Variants in ZNRF3 observed in about 807,000 individuals in gnomAD.
The protein encoded by ZNRF3 is E3 ubiquitin-protein ligase ZNRF3.
A neutral mutation model predicts 72.5 loss-of-function variants in ZNRF3; 23 were observed. The ratio of observed to expected loss-of-function variants is 0.32; its 90% confidence interval spans 0.23 to 0.45. The LOEUF is 0.45. ZNRF3 is among the 20% of genes least tolerant of loss of function. The pLI, the probability that ZNRF3 is intolerant of heterozygous loss-of-function variation, is 1.00. For synonymous variants in ZNRF3, 610 were observed against 545.3 expected, an observed-to-expected ratio of 1.12 and a Z score of -1.65; for missense variants, 1,169 against 1,272.1, an observed-to-expected ratio of 0.92 and a Z score of 1.23.
At chr22:29,026,204 A>G (rs2036634347) in intron 2 of ZNRF3, 1 of 152,186 alleles carries the variant, frequency 6.6e-6, no homozygotes, top group Admixed American at 6.5e-5. Context: ...ACCCGAAAAT[A>G]TAGCACATTT....
intron 2 of ZNRF3, among the ~76,000 whole-genome samples, chr22:29,021,775 A>C (rs2036545546): frequency 6.6e-6 from 1 of 152,178 alleles, no homozygotes; most frequent in African/African-American, 2.4e-5. Flanking sequence ...GGCGTAAGCC[A>C]CCGTGCCCGG....
Position 28,883,995 on chromosome 22 carries a change from T to A in ZNRF3, c.229T>A (p.Tyr77Asn). 3.1e-6 allele frequency: 4 copies of A among 1,311,350 alleles called. No individual in the cohort carries two copies. Among genetic ancestry groups the A allele is most frequent in the South Asian group, 1.3e-5 (1 of 74,850 alleles). The allele number at this position is 1,311,350 out of a possible 1,614,324, so 81.2% of individuals were successfully genotyped here. The change falls in exon 1 of 9, where the codon TAC (tyrosine) becomes AAC (asparagine). Residue 77 changes from tyrosine to asparagine, a missense_variant. Physicochemically the swap from Tyr to Asn is moderately radical, Grantham distance 143. Around this residue, in one of 2 missense-constraint regions of ZNRF3, gnomAD observed 386 missense variants for 540.7 expected, o/e 0.71. Transcript: ENST00000544604. This position sits in a 1 kb window ranked among gnomAD's most constrained non-coding sequence, Gnocchi z 5.5. Reference sequence around the variant, plus strand: ...GAGCCCAAGCGGCGATTACACCACCTACACCACCGGCCTCACGGGCCGCTT... The same window carrying A: ...GAGCCCAAGCGGCGATTACACCACCAACACCACCGGCCTCACGGGCCGCTT... ...ESSPSGDYTT[Y>N]TTGLTGRFSR...
intron 2 of ZNRF3, among the ~76,000 whole-genome samples, chr22:29,024,306 T>C (rs2036587955): frequency 8.0e-6 from 1 of 125,240 alleles, no homozygotes; most frequent in African/African-American, 2.8e-5. Flanking sequence ...TTGCTTTCAA[T>C]TTTCTGCACT....
chr22:28,966,240 G>A (rs963908723), intron 1 of ZNRF3, among the ~76,000 whole-genome samples: 1 of 152,204 alleles, frequency 6.6e-6, no homozygotes, highest in African/African-American at 2.4e-5. Flanking sequence ...GCAACAGAGT[G>A]AACAGAGTGA....
At chr22:28,984,228 G>A (rs1228802409) in intron 1 of ZNRF3, among the ~76,000 whole-genome samples, 2 of 151,642 alleles carry the variant, frequency 1.3e-5, no homozygotes, top group Non-Finnish European at 2.9e-5. Flanking sequence ...TCACAGTGTT[G>A]TGCAATCTTC....
At chr22:28,926,708 A>G (rs1169901547) in intron 1 of ZNRF3, among the ~76,000 whole-genome samples, 1 of 150,854 alleles carries the variant, frequency 6.6e-6, no homozygotes, top group African/African-American at 2.4e-5. Context: ...CTGAGGCAGG[A>G]GAATCGCTTG....
At chr22:28,903,975 C>G (rs948728164) in intron 1 of ZNRF3, among the ~76,000 whole-genome samples, 1 of 151,960 alleles carries the variant, frequency 6.6e-6, no homozygotes, top group African/African-American at 2.4e-5. Context: ...TGGGCCTTCC[C>G]GCTCAACACC....
At chr22:28,912,597 C>G (rs1237196778) in intron 1 of ZNRF3, among the ~76,000 whole-genome samples, 1 of 151,786 alleles carries the variant, frequency 6.6e-6, no homozygotes, top group African/African-American at 2.4e-5. Flanking sequence ...TTGCCACTCT[C>G]CAGTTCTTTT....
In ZNRF3 at chr22:29,050,597, G is replaced by A. The variant is rs1309735250; in HGVS notation, c.2416G>A (p.Val806Met). The A allele has an allele frequency of 4.3e-6, 7 of 1,609,194 alleles. No homozygotes were observed. Among genetic ancestry groups the A allele is most frequent in the Non-Finnish European group, 5.9e-6 (7 of 1,178,222 alleles). Residue 806 changes from valine (V) to methionine (M), a missense_variant, in exon 8 of 9, where the codon GTG becomes ATG. By Grantham distance (21) the Val-to-Met change is conservative. Transcript: ENST00000544604. ...CTACACTGAGGACTACTCGGTGAGT[G>A]TGCAGTACACGCTCACCGAGGAACC... ...GCYTEDYSVS[V>M]QYTLTEEPPP...
intron 1 of ZNRF3, among the ~76,000 whole-genome samples, chr22:28,985,024 G>T (rs887089343): frequency 1.3e-5 from 2 of 152,106 alleles, no homozygotes; most frequent in Non-Finnish European, 2.9e-5. Context: ...GCTCAGCAGT[G>T]GTGACCTCTC....
At chr22:28,949,600 C>A (rs1406073165) in intron 1 of ZNRF3, among the ~76,000 whole-genome samples, 1 of 152,202 alleles carries the variant, frequency 6.6e-6, no homozygotes, top group Non-Finnish European at 1.5e-5. Flanking sequence ...TTGTTCCCAA[C>A]AGAAAAGTCT....
chr22:28,966,997 A>G (rs967476638), intron 1 of ZNRF3, among the ~76,000 whole-genome samples: 4 of 148,938 alleles, frequency 2.7e-5, no homozygotes, highest in Non-Finnish European at 4.4e-5. Flanking sequence ...CTTCTGCCTC[A>G]GCCTCCTGAG....
chr22:28,932,133 G>T (rs1193738856), intron 1 of ZNRF3, among the ~76,000 whole-genome samples: 1 of 152,180 alleles, frequency 6.6e-6, no homozygotes, highest in Non-Finnish European at 1.5e-5. Flanking sequence ...AGCCACACCT[G>T]TGGTCATCAT....
chr22:28,981,714 C>T (rs1307218030), intron 1 of ZNRF3, among the ~76,000 whole-genome samples: 1 of 152,142 alleles, frequency 6.6e-6, no homozygotes, highest in East Asian at 1.9e-4. Context: ...GGTTTGAGTT[C>T]AGCCGGGTGC....
At chr22:28,916,289 C>G (rs1214944305) in intron 1 of ZNRF3, among the ~76,000 whole-genome samples, 1 of 152,196 alleles carries the variant, frequency 6.6e-6, no homozygotes, top group East Asian at 1.9e-4. Flanking sequence ...GTCTTGAACT[C>G]TTAGACTCAA....
intron 1 of ZNRF3, among the ~76,000 whole-genome samples, chr22:28,949,147 T>A (rs1014579729): frequency 5.9e-5 from 9 of 152,044 alleles, no homozygotes; most frequent in African/African-American, 2.2e-4. Flanking sequence ...GCCCAGCTAA[T>A]TTTGTATTTT....
At chr22:28,902,382 CT>C (rs894089876) in intron 1 of ZNRF3, among the ~76,000 whole-genome samples, 58 of 146,754 alleles carry the variant, frequency 4.0e-4, no homozygotes, top group Middle Eastern at 3.8e-3. Flanking sequence ...TTTGCCAGGC[CT>C]TTTTTTTTTC....
At chr22:28,978,853 A>T (rs2035719423) in intron 1 of ZNRF3, among the ~76,000 whole-genome samples, 1 of 152,000 alleles carries the variant, frequency 6.6e-6, no homozygotes, top group Non-Finnish European at 1.5e-5. Flanking sequence ...GTAGAAAAAG[A>T]TTTTGCTTTT....
chr22:28,944,926 C>CAAATAAATAAAT (rs71316875), intron 1 of ZNRF3, among the ~76,000 whole-genome samples: 30 of 143,564 alleles, frequency 2.1e-4, no homozygotes, highest in African/African-American at 7.3e-4. Context: ...ACTCCGTCTC[C>CAAATAAATAAAT]AAATAAATAA....
Sources: gnomAD v4.1 joint callset for allele counts (sites outside exome capture counted in the v4.1 genomes callset) on GRCh38, gnomAD v4.1.1 for gene constraint, gnomAD v4.1.1 regional missense constraint, Gnocchi (gnomAD v3.1) non-coding constraint, MANE v1.5 for transcripts, NCBI Gene and HGNC (gene_info 2026-07-23, HGNC 2026-07-21) for gene names.